Variants in BCL9 observed in about 807,000 individuals in gnomAD.
BCL9 encodes B-cell CLL/lymphoma 9 protein.
In BCL9, 25 loss-of-function variants were observed where a neutral mutation model predicts 88.5. The observed-to-expected ratio is 0.28, with a 90% CI of 0.21 to 0.39. The LOEUF is 0.39. BCL9 is among the 10% of genes least tolerant of loss of function. The pLI is 1.00. For missense variants in BCL9, 1,817 were observed against 1,877.8 expected (o/e 0.97, Z 0.60); for synonymous variants, 711 against 673.3 (o/e 1.06, Z -0.87).
At chr1:147,586,949 A>G (rs1039296672) in intron 1 of BCL9, among the ~76,000 whole-genome samples, 3 of 151,874 alleles carry the variant, frequency 2.0e-5, no homozygotes, top group African/African-American at 7.3e-5. Context: ...CCCTAAGCCC[A>G]CCACACCGAA....
At chr1:147,584,159 T>G (rs1011880091) in intron 1 of BCL9, among the ~76,000 whole-genome samples, 11 of 151,952 alleles carry the variant, frequency 7.2e-5, no homozygotes, top group Admixed American at 3.9e-4. Flanking sequence ...GTGATTCTCC[T>G]GCCTCAGCCT....
chr1:147,562,849 G>A (rs1229690595), intron 1 of BCL9, among the ~76,000 whole-genome samples: 1 of 152,008 alleles, frequency 6.6e-6, no homozygotes, highest in African/African-American at 2.4e-5. Flanking sequence ...ATATCAAAAT[G>A]GCTTTCACTG....
chr1:147,599,146 G>A (rs373053922), intron 1 of BCL9, among the ~76,000 whole-genome samples: 2 of 152,242 alleles, frequency 1.3e-5, no homozygotes, highest in East Asian at 1.9e-4. Context: ...AGGCTGGGCT[G>A]GGCCGGATGT....
intron 1 of BCL9, among the ~76,000 whole-genome samples, chr1:147,596,043 G>A (rs1036630300): frequency 8.5e-5 from 13 of 152,180 alleles, no homozygotes; most frequent in Admixed American, 6.5e-4. Flanking sequence ...GGATCTGAGT[G>A]TCACTTCAAA....
intron 1 of BCL9, among the ~76,000 whole-genome samples, chr1:147,581,573 G>T (rs1289634446): frequency 6.6e-6 from 1 of 152,178 alleles, no homozygotes; most frequent in East Asian, 1.9e-4. Context: ...GGGGAAGGTG[G>T]GTTGCTGTAG....
chr1:147,599,124 G>A (rs1289585535), intron 1 of BCL9, among the ~76,000 whole-genome samples: 1 of 152,224 alleles, frequency 6.6e-6, no homozygotes, highest in Admixed American at 6.5e-5. Flanking sequence ...ACCAGGCAGC[G>A]ATGCCTGAGC....
intron 1 of BCL9, among the ~76,000 whole-genome samples, chr1:147,564,532 G>A (rs1036473659): frequency 4.3e-4 from 66 of 152,202 alleles, no homozygotes; most frequent in African/African-American, 1.6e-3. Flanking sequence ...TGGGGAAAAC[G>A]TCTGAGTCTC....
intron 1 of BCL9, among the ~76,000 whole-genome samples, chr1:147,555,834 C>G (rs1655085222): frequency 6.6e-6 from 1 of 152,212 alleles, no homozygotes; most frequent in Non-Finnish European, 1.5e-5. Flanking sequence ...TTTTTAGTAA[C>G]TCATTTTTAA....
At chr1:147,623,732 G>A in intron 9 of BCL9, 110 bp from the exon 10 acceptor site, 1 of 1,263,642 alleles carries the variant, frequency 7.9e-7, no homozygotes, top group Non-Finnish European at 1.1e-6. Flanking sequence ...TGTTTTCCCA[G>A]CATTATACTA....
intron 3 of BCL9, among the ~76,000 whole-genome samples, chr1:147,611,238 A>C (rs185375033): frequency 2.0e-5 from 3 of 152,324 alleles, no homozygotes; most frequent in Non-Finnish European, 4.4e-5. Context: ...AAAGAAAGAC[A>C]CAAGTTTTTG....
intron 1 of BCL9, among the ~76,000 whole-genome samples, chr1:147,599,674 G>A (rs1553200915): frequency 6.6e-6 from 1 of 152,166 alleles, no homozygotes; most frequent in Non-Finnish European, 1.5e-5. Flanking sequence ...GGGAGTGGGC[G>A]TCCCCTCCAG....
At chr1:147,566,897 A>G (rs1655628644) in intron 1 of BCL9, among the ~76,000 whole-genome samples, 1 of 152,228 alleles carries the variant, frequency 6.6e-6, no homozygotes, top group South Asian at 2.1e-4. Context: ...CTAATCACAG[A>G]AAGTCTGAAT....
intron 1 of BCL9, among the ~76,000 whole-genome samples, chr1:147,597,856 T>C (rs782159575): frequency 1.3e-5 from 2 of 152,224 alleles, no homozygotes; most frequent in African/African-American, 2.4e-5. Flanking sequence ...CATTTGCATT[T>C]TTCTTCTGAT....
intron 1 of BCL9, among the ~76,000 whole-genome samples, chr1:147,599,499 C>A (rs901303917): frequency 6.7e-6 from 1 of 149,266 alleles, no homozygotes; most frequent in Non-Finnish European, 1.5e-5. Context: ...CCCCCGCCCC[C>A]CTCGGTTGCT....
intron 1 of BCL9, among the ~76,000 whole-genome samples, chr1:147,592,308 C>A (rs1025857813): frequency 5.9e-5 from 9 of 152,210 alleles, no homozygotes; most frequent in Non-Finnish European, 1.2e-4. Flanking sequence ...CATCTCTCGC[C>A]AATCTCAACC....
chr1:147,609,951 G>A (rs188015425), intron 3 of BCL9, among the ~76,000 whole-genome samples: 4 of 152,318 alleles, frequency 2.6e-5, no homozygotes, highest in East Asian at 1.9e-4. Context: ...GCTAGAATAC[G>A]TGATGCAGAC....
At position 147,624,932 on chromosome 1, in the gene BCL9, T is replaced by G. The variant is rs1553206333; in HGVS notation, c.4254T>G (p.Pro1418=). The part of the protein sequence containing the change: ...DVGMGGFSQG[P]GNPGNMMF ...GCATGGGTGGATTTAGCCAAGGACC[T>G]GGCAACCCAGGAAACATGATGTTTT... Residue 1418 remains proline, a synonymous_variant, in exon 10 of 10, where the codon CCT becomes CCG. Coordinates refer to ENST00000234739, the MANE Select transcript of BCL9 (RefSeq NM_004326.4). This position sits in a 1 kb window ranked among gnomAD's most constrained non-coding sequence, Gnocchi z 4.4. The G allele has an allele frequency of 6.2e-7, 1 of 1,610,396 alleles. No individual in the cohort carries two copies. Among genetic ancestry groups the G allele is most frequent in the Non-Finnish European group, 8.5e-7 (1 of 1,176,956 alleles).
At chr1:147,618,299 G>C (rs782196074) in intron 7 of BCL9, among the ~76,000 whole-genome samples, 6 of 152,276 alleles carry the variant, frequency 3.9e-5, no homozygotes, top group Middle Eastern at 3.4e-3. Flanking sequence ...TGGAGCAGCT[G>C]CTTCCTCGGC....
intron 1 of BCL9, among the ~76,000 whole-genome samples, chr1:147,597,371 A>G (rs1657100822): frequency 6.6e-6 from 1 of 152,224 alleles, no homozygotes; most frequent in Non-Finnish European, 1.5e-5. Flanking sequence ...GCTCATCATT[A>G]TGAGAAGCAA....
Sources: allele counts gnomAD v4.1 joint callset (sites outside exome capture counted in the v4.1 genomes callset), GRCh38; gene constraint gnomAD v4.1.1; non-coding constraint Gnocchi (gnomAD v3.1); transcripts MANE v1.5; gene names NCBI Gene and HGNC (gene_info 2026-07-23, HGNC 2026-07-21).